Variants in FAM184B observed in about 807,000 individuals in gnomAD.
FAM184B encodes the protein family with sequence similarity 184 member B.
FAM184B carries 111 observed loss-of-function variants against 135.9 expected under a neutral mutation model. That is an observed-to-expected ratio of 0.82 (90% confidence interval 0.70 to 0.96). The LOEUF (loss-of-function observed/expected upper bound fraction) is 0.96, where lower values mean the gene tolerates loss of function less well. Ranked by LOEUF, FAM184B falls within the 40% of genes least tolerant of loss-of-function variation. The pLI is 0.00. For missense variants in FAM184B, 1,375 were observed against 1,323.9 expected (o/e 1.04, Z -0.60); for synonymous variants, 552 against 524.8 (o/e 1.05, Z -0.71).
chr4:17,714,712 T>C (rs180680247), intron 1 of FAM184B, among the ~76,000 whole-genome samples: 10 of 152,172 alleles, frequency 6.6e-5, no homozygotes, highest in African/African-American at 1.9e-4. Flanking sequence ...GAAACGTGCA[T>C]GGGATGAAAT....
intron 1 of FAM184B, among the ~76,000 whole-genome samples, chr4:17,715,042 C>T (rs190244187): frequency 1.1e-3 from 160 of 152,272 alleles, no homozygotes; most frequent in African/African-American, 3.6e-3. Context: ...ATAGTGTGTA[C>T]ATAAACAAGA....
chr4:17,712,623 A>T (rs1214754595), intron 1 of FAM184B, among the ~76,000 whole-genome samples: 1 of 152,172 alleles, frequency 6.6e-6, no homozygotes, highest in East Asian at 1.9e-4. Context: ...TGTAGTCTTG[A>T]GTTCTCTGAT....
At chr4:17,664,459 G>A in intron 8 of FAM184B, 103 bp downstream of exon 8, 2 of 877,708 alleles carry the variant, frequency 2.3e-6, no homozygotes, top group Non-Finnish European at 3.5e-6. Context: ...GCTGCAAGGA[G>A]CAGTGATAAA....
intron 7 of FAM184B, among the ~76,000 whole-genome samples, chr4:17,679,872 G>T (rs1215354578): frequency 6.6e-6 from 1 of 152,148 alleles, no homozygotes; most frequent in Non-Finnish European, 1.5e-5. Context: ...AATGGCATTT[G>T]CAGCAACTTG....
At chr4:17,735,772 C>G (rs981671162) in intron 1 of FAM184B, among the ~76,000 whole-genome samples, 1 of 152,128 alleles carries the variant, frequency 6.6e-6, no homozygotes, top group African/African-American at 2.4e-5. Flanking sequence ...CATGCTCAAT[C>G]ACTCTGCAAA....
intron 6 of FAM184B, among the ~76,000 whole-genome samples, chr4:17,692,977 A>C (rs1716769147): frequency 6.6e-6 from 1 of 151,760 alleles, no homozygotes; most frequent in Admixed American, 6.6e-5. Context: ...AAAATTGCTA[A>C]GAGCCCACAA....
intron 1 of FAM184B, among the ~76,000 whole-genome samples, chr4:17,768,313 C>T (rs1020264215): frequency 1.2e-4 from 19 of 152,138 alleles, no homozygotes; most frequent in African/African-American, 4.6e-4. Flanking sequence ...AGTCTCTTGT[C>T]GCCCAGACTG....
chr4:17,753,758 G>A (rs1049597976), intron 1 of FAM184B, among the ~76,000 whole-genome samples: 1 of 152,194 alleles, frequency 6.6e-6, no homozygotes, highest in African/African-American at 2.4e-5. Flanking sequence ...GGAACTTAGG[G>A]ACAGAAGCAC....
intron 1 of FAM184B, among the ~76,000 whole-genome samples, chr4:17,744,164 G>C (rs930663342): frequency 6.6e-6 from 1 of 152,094 alleles, no homozygotes. Context: ...AGCCAGATCT[G>C]CTTGGCTCAT....
chr4:17,740,722 C>G (rs1327363592), intron 1 of FAM184B, among the ~76,000 whole-genome samples: 1 of 152,168 alleles, frequency 6.6e-6, no homozygotes, highest in Non-Finnish European at 1.5e-5. Flanking sequence ...TTATACTTAT[C>G]TAATATTTAT....
rs998704195 is a variant in FAM184B, at chr4:17,694,614, G to A, written c.1378-1202C>T. On this transcript the variant is annotated intron_variant, in intron 5 of 17. Coordinates refer to ENST00000265018, the MANE Select transcript of FAM184B (RefSeq NM_015688.2). ...TGCAAGTATCTAGAGGAGTGAATGA[G>A]ATAGTCTGTTCCTCTTAGCTGAACT... 3.3e-5 allele frequency among the ~76,000 whole-genome samples: 5 copies of A among 152,250 alleles called. No homozygotes were observed. In the South Asian group the frequency reaches 8.3e-4, roughly 25 times the overall value.
At chr4:17,769,652 G>A (rs780573894) in intron 1 of FAM184B, among the ~76,000 whole-genome samples, 6 of 152,156 alleles carry the variant, frequency 3.9e-5, no homozygotes, top group Non-Finnish European at 5.9e-5. Flanking sequence ...TAGACCTTTT[G>A]AGTTCAAGGC....
intron 12 of FAM184B, among the ~76,000 whole-genome samples, chr4:17,644,738 G>A (rs898091171): frequency 3.3e-5 from 5 of 152,266 alleles, no homozygotes; most frequent in East Asian, 1.9e-4. Context: ...TTCTGGCCAC[G>A]GTAATCAGGC....
At chr4:17,669,454 T>C (rs765956966) in intron 7 of FAM184B, among the ~76,000 whole-genome samples, 3 of 152,214 alleles carry the variant, frequency 2.0e-5, no homozygotes, top group Non-Finnish European at 4.4e-5. Context: ...ACTATTACAA[T>C]ATAAATACAT....
At chr4:17,721,406 A>AAAAAAAAAAAAAAAAAAAAAAAAC (rs1560185395) in intron 1 of FAM184B, among the ~76,000 whole-genome samples, 1 of 143,300 alleles carries the variant, frequency 7.0e-6, no homozygotes, top group African/African-American at 2.6e-5. Context: ...AAAAAAAAAA[A>AAAAAAAAAAAAAAAAAAAAAAAAC]TCTCTTTGCC....
intron 7 of FAM184B, among the ~76,000 whole-genome samples, chr4:17,668,727 G>A (rs991849260): frequency 6.6e-6 from 1 of 152,038 alleles, no homozygotes; most frequent in Admixed American, 6.6e-5. Context: ...GTAGAGATGG[G>A]GTTTTACTGT....
chr4:17,732,511 T>G (rs1243116232), intron 1 of FAM184B, among the ~76,000 whole-genome samples: 1 of 151,920 alleles, frequency 6.6e-6, no homozygotes, highest in African/African-American at 2.4e-5. Context: ...GGATATCACC[T>G]CCGATCCCAC....
chr4:17,751,349 C>T (rs546470114), intron 1 of FAM184B, among the ~76,000 whole-genome samples: 1 of 149,974 alleles, frequency 6.7e-6, no homozygotes, highest in Non-Finnish European at 1.5e-5. Flanking sequence ...GGAAAAAGTA[C>T]CCTTCTTCTT....
rs1045476369 is a variant in FAM184B, at chr4:17,660,100, G to A, written c.1695-13C>T. On this transcript the variant is annotated splice_polypyrimidine_tract_variant and intron_variant, in intron 8 of 17. Coordinates refer to ENST00000265018, the MANE Select transcript of FAM184B (RefSeq NM_015688.2). ...AAGCACTTTGGTCCTTTGAAGATAA[G>A]GATGCCACAATCACAAAAGATCCTA... The A allele has an allele frequency of 1.3e-6, 2 of 1,550,768 alleles. No individual in the cohort carries two copies. Among genetic ancestry groups the A allele is most frequent in the Non-Finnish European group, 1.7e-6 (2 of 1,146,628 alleles).
Sources: allele counts gnomAD v4.1 joint callset (sites outside exome capture counted in the v4.1 genomes callset), GRCh38; gene constraint gnomAD v4.1.1; transcripts MANE v1.5; gene names NCBI Gene and HGNC (gene_info 2026-07-23, HGNC 2026-07-21).